RSF1: variants seen among roughly 807,000 people sequenced by gnomAD.
RSF1 encodes HBV pX-associated protein 8.
A neutral mutation model predicts 145.2 loss-of-function variants in RSF1; 13 were observed. The observed-to-expected ratio is 0.09, with a 90% confidence interval of 0.06 to 0.14. RSF1 has a LOEUF of 0.14. RSF1 is among the 10% of genes least tolerant of loss of function. RSF1 has a pLI of 1.00. For missense variants in RSF1, 1,517 were observed against 1,718.2 expected (o/e 0.88, Z 2.07); for synonymous variants, 577 against 592.6 (o/e 0.97, Z 0.38).
At chr11:77,726,685 A>C (rs1961061288) in intron 4 of RSF1, among the ~76,000 whole-genome samples, 2 of 152,272 alleles carry the variant, frequency 1.3e-5, no homozygotes, top group African/African-American at 2.4e-5. Context: ...TAGCACCAAG[A>C]TCCTCCCATC....
the RSF1 span, among the ~76,000 whole-genome samples, chr11:77,863,257 T>C: frequency 6.6e-6 from 1 of 152,038 alleles, no homozygotes; most frequent in Non-Finnish European, 1.5e-5. Context: ...TTTAGCCCAA[T>C]CGGGAGCGGC....
At chr11:77,738,598 C>T (rs1308359089) in intron 4 of RSF1, 1 of 152,166 alleles carries the variant, frequency 6.6e-6, no homozygotes, top group African/African-American at 2.4e-5. Context: ...TGGATGAACC[C>T]AGATTCAAAC....
intron 1 of RSF1, among the ~76,000 whole-genome samples, chr11:77,817,366 C>CT (rs1358880347): frequency 1.3e-5 from 2 of 152,156 alleles, no homozygotes; most frequent in African/African-American, 2.4e-5. Context: ...TGCATACTGA[C>CT]TTTTTTGTGA....
intron 3 of RSF1, among the ~76,000 whole-genome samples, chr11:77,743,532 G>A (rs185421747): frequency 7.4e-4 from 113 of 152,216 alleles, no homozygotes; most frequent in African/African-American, 2.6e-3. Flanking sequence ...TGTGATTTAT[G>A]AGTAGAAACA....
chr11:77,814,973 T>C lies in RSF1; in HGVS notation c.187+5555A>G, dbSNP rs548129367. The stretch of plus-strand genomic sequence containing the variant: ...AGAGCACACTGGAGCTAGCAGGCAC[T>C]GCACTTTATGGCATACAAGTGAAAG... On this transcript the variant is annotated intron_variant, in intron 1 of 15. Coordinates refer to ENST00000308488, the MANE Select transcript of RSF1 (RefSeq NM_016578.4). Among the ~76,000 whole-genome samples, 127 of 152,324 alleles carry C rather than the reference T, an allele frequency of 8.3e-4. 1 individual carries two copies. Among genetic ancestry groups the C allele is most frequent in the African/African-American group, 3.0e-3 (125 of 41,594 alleles).
In RSF1 at chr11:77,701,368, C is replaced by A; in HGVS notation, c.1861G>T (p.Gly621Cys). ...GAAGTTTCAGCTGCCTCAGGAGAGC[C>A]AGGCTTTTCTGACTCTAGAGTACTC... ...PKSTLESEKP[G>C]SPEAAETSPP... Residue 621 changes from glycine (G) to cysteine (C), a missense_variant, in exon 6 of 16, where the codon GGC becomes TGC. Gly to Cys is a radical substitution (Grantham distance 159). Transcript: ENST00000308488. The A allele has an allele frequency of 6.2e-7, 1 of 1,614,000 alleles. No individual in the cohort carries two copies. Among genetic ancestry groups the A allele is most frequent in the Non-Finnish European group, 8.5e-7 (1 of 1,180,024 alleles).
intron 1 of RSF1, among the ~76,000 whole-genome samples, chr11:77,778,665 A>G (rs563060468): frequency 6.6e-6 from 1 of 152,270 alleles, no homozygotes; most frequent in East Asian, 1.9e-4. Flanking sequence ...AATTTTTAGC[A>G]GAGATGAGTC....
chr11:77,683,245 G>T (rs1048959727), intron 11 of RSF1, among the ~76,000 whole-genome samples: 1 of 151,976 alleles, frequency 6.6e-6, no homozygotes, highest in African/African-American at 2.4e-5. Context: ...GAGCCGAGAT[G>T]GTGCCACTGC....
intron 4 of RSF1, among the ~76,000 whole-genome samples, chr11:77,728,214 G>C (rs1961104687): frequency 6.6e-6 from 1 of 152,126 alleles, no homozygotes; most frequent in Non-Finnish European, 1.5e-5. Flanking sequence ...TCTTAGCCTG[G>C]AATGTGTTCC....
intron 5 of RSF1, among the ~76,000 whole-genome samples, chr11:77,720,053 G>A (rs970089552): frequency 6.6e-6 from 1 of 152,140 alleles, no homozygotes; most frequent in Non-Finnish European, 1.5e-5. Flanking sequence ...TAGAATTAGT[G>A]GTTATGGTTG....
the RSF1 span, among the ~76,000 whole-genome samples, chr11:77,864,972 G>A: frequency 2.0e-5 from 3 of 152,166 alleles, no homozygotes; most frequent in Non-Finnish European, 2.9e-5. Flanking sequence ...GTGAGACCCT[G>A]TCTCAAAAAC....
intron 4 of RSF1, among the ~76,000 whole-genome samples, chr11:77,736,690 T>C (rs1035930517): frequency 1.3e-5 from 2 of 152,224 alleles, no homozygotes; most frequent in African/African-American, 4.8e-5. Flanking sequence ...ATCTCACTTA[T>C]AATATGCATA....
intron 1 of RSF1, among the ~76,000 whole-genome samples, chr11:77,808,615 G>A (rs1335519697): frequency 2.9e-5 from 3 of 104,814 alleles, no homozygotes; most frequent in Non-Finnish European, 5.1e-5. Context: ...CTCACTGCAA[G>A]CTCCGCCTCC....
intron 4 of RSF1, among the ~76,000 whole-genome samples, chr11:77,726,674 T>A (rs1313833933): frequency 6.6e-6 from 1 of 152,180 alleles, no homozygotes; most frequent in Non-Finnish European, 1.5e-5. Context: ...AGATTATTAA[T>A]TAGCACCAAG....
the RSF1 span, among the ~76,000 whole-genome samples, chr11:77,835,043 ACTTC>A: frequency 2.0e-5 from 3 of 152,240 alleles, no homozygotes; most frequent in Non-Finnish European, 4.4e-5. Flanking sequence ...GGAGACTAGT[ACTTC>A]CTTAATACAT....
At chr11:77,835,886 T>TGACA in the RSF1 span, among the ~76,000 whole-genome samples, 1 of 151,986 alleles carries the variant, frequency 6.6e-6, no homozygotes, top group African/African-American at 2.4e-5. Flanking sequence ...CTAGCCTGGG[T>TGACA]GACAGAGTGA....
intron 1 of RSF1, among the ~76,000 whole-genome samples, chr11:77,807,520 A>C (rs1293133248): frequency 6.6e-6 from 1 of 152,252 alleles, no homozygotes; most frequent in African/African-American, 2.4e-5. Flanking sequence ...ATGGAAAGGA[A>C]CACACCATGC....
intron 1 of RSF1, among the ~76,000 whole-genome samples, chr11:77,814,486 C>T (rs545878024): frequency 2.0e-5 from 3 of 152,108 alleles, no homozygotes; most frequent in Non-Finnish European, 4.4e-5. Flanking sequence ...CGCTCTGTCA[C>T]CCAGGCTGGA....
At chr11:77,813,590 T>C (rs1948751181) in intron 1 of RSF1, 2 of 664,228 alleles carry the variant, frequency 3.0e-6, no homozygotes, top group Admixed American at 2.0e-5. Context: ...CCAGGGATTT[T>C]ATGTTGCGGC....
Sources: gnomAD v4.1 joint callset for allele counts (sites outside exome capture counted in the v4.1 genomes callset) on GRCh38, gnomAD v4.1.1 for gene constraint, MANE v1.5 for transcripts, NCBI Gene and HGNC (gene_info 2026-07-23, HGNC 2026-07-21) for gene names.